The following COL18A1 variants were observed in gnomAD, a reference collection of about 807,000 sequenced individuals.
COL18A1 encodes collagen type XVIII alpha 1 chain.
In COL18A1, 133 loss-of-function variants were observed where a neutral mutation model predicts 168.0. The ratio of observed to expected loss-of-function variants is 0.79; its 90% CI spans 0.69 to 0.91. The LOEUF (loss-of-function observed/expected upper bound fraction) is 0.91. COL18A1 is among the 40% of genes least tolerant of loss of function. The pLI is 0.00. For missense variants in COL18A1, 2,126 were observed against 1,925.4 expected (o/e 1.10, Z -1.95); for synonymous variants, 949 against 809.0 (o/e 1.17, Z -2.94).
chr21:45,438,006 G>A (rs542845998), intron 2 of COL18A1, among the ~76,000 whole-genome samples: 2 of 33,588 alleles, frequency 6.0e-5, no homozygotes, highest in African/African-American at 3.7e-4. Context: ...GCACTCTCCT[G>A]CACACACACA....
rs992916839 is a variant in COL18A1 at position 45,425,336 on chromosome 21, C to A, written c.106+19863C>A. Among the ~76,000 whole-genome samples the A allele has an allele frequency of 6.6e-6, 1 of 152,206 alleles. No individual in the cohort carries two copies. The highest frequency in any genetic ancestry group is 2.4e-5 in the African/African-American group (1 of 41,462). ...CCGCGTCCACCTGTCTCCCTGGACA[C>A]GCCTGTCAGAGCCCCAGACTGGGCT... On this transcript the variant is annotated intron_variant, in intron 2 of 41. Coordinates refer to ENST00000651438, the MANE Select transcript of COL18A1 (RefSeq NM_001379500.1). This position sits in a 1 kb window ranked among gnomAD's most constrained non-coding sequence, Gnocchi z 4.1.
At chr21:45,456,211 C>T in intron 2 of COL18A1, 12 of 1,607,016 alleles carry the variant, frequency 7.5e-6, no homozygotes, top group Non-Finnish European at 6.8e-6. Flanking sequence ...TGGGCGGGGC[C>T]CCTCCCTGGG....
At chr21:45,433,826 A>G (rs1420490453) in intron 2 of COL18A1, among the ~76,000 whole-genome samples, 1 of 152,216 alleles carries the variant, frequency 6.6e-6, no homozygotes, top group Non-Finnish European at 1.5e-5. Context: ...GTTCACTGAA[A>G]GCACTGGCCA....
At chr21:45,478,502 A>T in intron 9 of COL18A1, 149 bp downstream of exon 9, 1 of 1,049,202 alleles carries the variant, frequency 9.5e-7, no homozygotes, top group Admixed American at 1.9e-5. Flanking sequence ...TTGTAAAGAA[A>T]AGATGAGTGT....
chr21:45,493,969 G>T, intron 26 of COL18A1: 1 of 290,378 alleles, frequency 3.4e-6, no homozygotes, highest in Non-Finnish European at 6.6e-6. Context: ...TGTGGGCAGG[G>T]CCCGGAGTCA....
At chr21:45,435,725 C>T (rs1447285520) in intron 2 of COL18A1, among the ~76,000 whole-genome samples, 1 of 152,044 alleles carries the variant, frequency 6.6e-6, no homozygotes, top group Non-Finnish European at 1.5e-5. Context: ...AAGGGTCTGC[C>T]GTGGGCTGAG....
At chr21:45,495,128 A>G (rs2236475) in intron 28 of COL18A1, 174,882 of 641,592 alleles carry the variant, frequency 0.27, 25,682 homozygotes, top group African/African-American at 0.47. Flanking sequence ...GAAGCCCTGG[A>G]GGCAGACAGG....
chr21:45,491,393 C>A (rs553475246), intron 22 of COL18A1, 79 bp downstream of exon 22: 26 of 729,110 alleles, frequency 3.6e-5, no homozygotes, highest in African/African-American at 2.0e-4. Context: ...GAGCCCCCCC[C>A]ACACCCCCAC....
chr21:45,440,957 C>T (rs555063304), intron 2 of COL18A1, among the ~76,000 whole-genome samples: 59 of 152,314 alleles, frequency 3.9e-4, no homozygotes, highest in Admixed American at 1.0e-3. Context: ...GTGGGAACCA[C>T]GGGACGCTCA....
At chr21:45,509,189 C>T (rs553351641) in intron 38 of COL18A1, among the ~76,000 whole-genome samples, 167 bp from the exon 39 acceptor site, 1 of 152,180 alleles carries the variant, frequency 6.6e-6, no homozygotes, top group African/African-American at 2.4e-5. Flanking sequence ...GACTCCCCAC[C>T]CTTGCTGCTG....
At chr21:45,459,117 TG>T (rs2034955140) in intron 2 of COL18A1, among the ~76,000 whole-genome samples, 1 of 152,096 alleles carries the variant, frequency 6.6e-6, no homozygotes, top group African/African-American at 2.4e-5. Context: ...TGGCCAGGGG[TG>T]GGCCTCAAGC....
At chr21:45,440,144 G>T (rs2034330196) in intron 2 of COL18A1, among the ~76,000 whole-genome samples, 1 of 152,258 alleles carries the variant, frequency 6.6e-6, no homozygotes, top group Non-Finnish European at 1.5e-5. Flanking sequence ...GGGCTGCGGG[G>T]TCGGAACGTC....
chr21:45,482,400 GC>G, intron 14 of COL18A1: 4 of 615,746 alleles, frequency 6.5e-6, no homozygotes, highest in Admixed American at 2.2e-5. Context: ...CCTGCGTCTG[GC>G]CCCCTGGGGA....
intron 2 of COL18A1, among the ~76,000 whole-genome samples, chr21:45,458,021 G>C (rs2034900618): frequency 6.6e-6 from 1 of 151,928 alleles, no homozygotes; most frequent in Middle Eastern, 3.2e-3. Flanking sequence ...GGAGTGGCCG[G>C]GGGGCCACAG....
chr21:45,431,008 G>A (rs898823618), intron 2 of COL18A1, among the ~76,000 whole-genome samples: 5 of 152,228 alleles, frequency 3.3e-5, no homozygotes, highest in Admixed American at 6.5e-5. Flanking sequence ...GCCTGTTGAC[G>A]GGCGGGCCGA....
intron 20 of COL18A1, among the ~76,000 whole-genome samples, 171 bp from the exon 21 acceptor site, chr21:45,490,665 G>A (rs948856401): frequency 2.7e-4 from 31 of 115,190 alleles, no homozygotes; most frequent in Admixed American, 1.7e-3. Flanking sequence ...CTCCCGGAGC[G>A]CCAGGAGTTA....
intron 3 of COL18A1, among the ~76,000 whole-genome samples, chr21:45,472,436 C>G (rs545846776): frequency 6.6e-6 from 1 of 152,286 alleles, no homozygotes; most frequent in East Asian, 1.9e-4. Context: ...TGGTCTCAAT[C>G]TCCTGACCTT....
At position 45,507,773 on chromosome 21, in the gene COL18A1, T is replaced by C. The variant is rs1012066564; in HGVS notation, c.3249+180T>C. Among the ~76,000 whole-genome samples the C allele has an allele frequency of 2.0e-5, 3 of 152,296 alleles. No individual in the cohort carries two copies. In the East Asian group the frequency reaches 5.8e-4, roughly 29 times the overall value. On this transcript the variant is annotated intron_variant, in intron 38 of 41. Coordinates refer to ENST00000651438, the MANE Select transcript of COL18A1 (RefSeq NM_001379500.1). ...CACCCCACTACCTCTGTCTCAGCGC[T>C]GGCCCCCCAGTACCTCCGTCTCAGC...
intron 15 of COL18A1, 34 bp downstream of exon 15, chr21:45,482,855 G>A: frequency 1.9e-6 from 3 of 1,614,088 alleles, no homozygotes; most frequent in Non-Finnish European, 2.5e-6. Flanking sequence ...TCAGTCCCCT[G>A]CCCCTGGTGC....
Sources: gnomAD v4.1 joint callset for allele counts (sites outside exome capture counted in the v4.1 genomes callset) on GRCh38, gnomAD v4.1.1 for gene constraint, Gnocchi (gnomAD v3.1) non-coding constraint, MANE v1.5 for transcripts, NCBI Gene and HGNC (gene_info 2026-07-23, HGNC 2026-07-21) for gene names.